Variants in PID1 observed in about 807,000 individuals in gnomAD.
PID1 encodes the protein PTB-containing, cubilin and LRP1-interacting protein.
A neutral mutation model predicts 19.1 loss-of-function variants in PID1; 10 were observed. That is an observed-to-expected ratio of 0.52 (90% CI 0.32 to 0.89). PID1 has a LOEUF of 0.89. Among genes scored for constraint, PID1 ranks in the 40% least tolerant of loss-of-function variants. The probability of loss-of-function intolerance (pLI) is 0.03; values close to 1 mark genes in which losing one functional copy is unlikely to be tolerated. For synonymous variants in PID1, 130 were observed against 116.0 expected, an observed-to-expected ratio of 1.12 and a Z score of -0.78; for missense variants, 248 against 285.3, an observed-to-expected ratio of 0.87 and a Z score of 0.94.
chr2:229,209,226 T>C (rs1691675129), intron 1 of PID1, among the ~76,000 whole-genome samples: 1 of 152,164 alleles, frequency 6.6e-6, no homozygotes, highest in Admixed American at 6.5e-5. Flanking sequence ...CAAATGTGGG[T>C]TGTGGGTCAA....
chr2:229,200,859 C>T (rs1442192440), intron 1 of PID1, among the ~76,000 whole-genome samples: 1 of 152,050 alleles, frequency 6.6e-6, no homozygotes, highest in Non-Finnish European at 1.5e-5. Flanking sequence ...AGGGGAATGC[C>T]TCACCTGTTC....
At chr2:229,050,139 A>C (rs1693964579) in intron 2 of PID1, among the ~76,000 whole-genome samples, 1 of 152,156 alleles carries the variant, frequency 6.6e-6, no homozygotes, top group Non-Finnish European at 1.5e-5. Context: ...TGCGAATCTC[A>C]ACAGAAGCAC....
At chr2:229,054,717 TGTGG>T (rs1382518507) in intron 2 of PID1, among the ~76,000 whole-genome samples, 6 of 8,750 alleles carry the variant, frequency 6.9e-4, no homozygotes, top group African/African-American at 1.8e-3. Flanking sequence ...TGTGTGTGTG[TGTGG>T]GGGGGGGGGG....
At chr2:229,042,366 C>A (rs1693789292) in intron 2 of PID1, among the ~76,000 whole-genome samples, 1 of 152,160 alleles carries the variant, frequency 6.6e-6, no homozygotes, top group African/African-American at 2.4e-5. Flanking sequence ...TTGGCTCCAT[C>A]TTAATTTAAG....
intron 2 of PID1, among the ~76,000 whole-genome samples, chr2:229,127,341 G>A (rs1057405721): frequency 4.6e-5 from 7 of 152,130 alleles, no homozygotes; most frequent in Non-Finnish European, 7.3e-5. Flanking sequence ...TGGCCACACT[G>A]AGAATTGACT....
chr2:229,045,561 G>A (rs950209864), intron 2 of PID1, among the ~76,000 whole-genome samples: 7 of 152,194 alleles, frequency 4.6e-5, no homozygotes, highest in African/African-American at 1.7e-4. Flanking sequence ...TATCACAGGT[G>A]GCAGTGATGT....
At chr2:229,053,373 C>T (rs550480020) in intron 2 of PID1, among the ~76,000 whole-genome samples, 12 of 152,204 alleles carry the variant, frequency 7.9e-5, no homozygotes, top group South Asian at 2.1e-4. Flanking sequence ...TTTGTTTATT[C>T]GAAAGCAAAC....
intron 2 of PID1, among the ~76,000 whole-genome samples, chr2:229,110,522 C>T (rs1175614007): frequency 3.9e-5 from 6 of 152,026 alleles, no homozygotes; most frequent in South Asian, 4.1e-4. Flanking sequence ...TTATGGGGGC[C>T]GAGATTGCAT....
chr2:229,157,264 T>C (rs1690392673), intron 1 of PID1, among the ~76,000 whole-genome samples: 1 of 152,138 alleles, frequency 6.6e-6, no homozygotes, highest in Non-Finnish European at 1.5e-5. Context: ...ACCCTGTCTC[T>C]ACTAAAAATA....
intron 1 of PID1, among the ~76,000 whole-genome samples, chr2:229,237,545 A>C (rs1440255765): frequency 1.3e-5 from 2 of 152,216 alleles, no homozygotes; most frequent in Non-Finnish European, 2.9e-5. Flanking sequence ...ATCTCTGCCA[A>C]GTGCAAAGCT....
At chr2:229,207,920 T>C (rs1031168857) in intron 1 of PID1, among the ~76,000 whole-genome samples, 3 of 152,136 alleles carry the variant, frequency 2.0e-5, no homozygotes, top group African/African-American at 4.8e-5. Context: ...TTGAGACCCC[T>C]ACACACAGGA....
intron 2 of PID1, among the ~76,000 whole-genome samples, chr2:229,113,007 C>T (rs1281775525): frequency 6.6e-6 from 1 of 152,066 alleles, no homozygotes; most frequent in Non-Finnish European, 1.5e-5. Flanking sequence ...AATTCAGTAA[C>T]GTATGCTAAT....
chr2:229,160,209 G>A (rs944769517), intron 1 of PID1, among the ~76,000 whole-genome samples: 2 of 152,154 alleles, frequency 1.3e-5, no homozygotes, highest in East Asian at 1.9e-4. Flanking sequence ...TGGAAGTTCC[G>A]AGATGGTCTT....
intron 1 of PID1, among the ~76,000 whole-genome samples, chr2:229,183,263 T>C (rs1237886032): frequency 6.6e-6 from 1 of 152,162 alleles, no homozygotes; most frequent in Non-Finnish European, 1.5e-5. Context: ...GGGAGAGGTA[T>C]GGAACAGATT....
intron 2 of PID1, among the ~76,000 whole-genome samples, chr2:229,134,294 G>C (rs1689812989): frequency 6.8e-6 from 1 of 146,300 alleles, no homozygotes; most frequent in South Asian, 2.2e-4. Flanking sequence ...GAGTGCAGTG[G>C]TGTGGTGTGA....
At chr2:229,033,376 C>A (rs1693595317) in intron 2 of PID1, among the ~76,000 whole-genome samples, 1 of 152,126 alleles carries the variant, frequency 6.6e-6, no homozygotes, top group Non-Finnish European at 1.5e-5. Flanking sequence ...AGAATAAAGA[C>A]CTTCTAGAGG....
intron 1 of PID1, among the ~76,000 whole-genome samples, chr2:229,270,431 A>C (rs1189730338): frequency 6.6e-6 from 1 of 152,222 alleles, no homozygotes; most frequent in East Asian, 1.9e-4. Context: ...GGGATAACCC[A>C]GGACATAAAT....
intron 1 of PID1, among the ~76,000 whole-genome samples, chr2:229,230,020 G>A (rs1692167940): frequency 6.6e-6 from 1 of 152,202 alleles, no homozygotes; most frequent in Admixed American, 6.5e-5. Flanking sequence ...CACAAGGCAT[G>A]CTGGGAGAGA....
At position 229,129,793 on chromosome 2, in the gene PID1, GGCTGACTGCATGA is replaced by G. The variant is rs533092985; in HGVS notation, c.177+26012_177+26024del. On this transcript the variant is annotated intron_variant, in intron 2 of 2. Transcript: ENST00000392055. ...CTCTTGCTCATGTACACTGGGCAGG[GGCTGACTGCATGA>G]GCTAACAAGGGAGGTGGCTCCTCCG... Among the ~76,000 whole-genome samples, 20 of 152,204 alleles carry G rather than the reference GGCTGACTGCATGA, an allele frequency of 1.3e-4. No individual in the cohort carries two copies. The East Asian group carries it at 3.9e-3, about 30-fold the overall frequency.
Sources: allele counts gnomAD v4.1 joint callset (sites outside exome capture counted in the v4.1 genomes callset), GRCh38; gene constraint gnomAD v4.1.1; transcripts MANE v1.5; gene names NCBI Gene and HGNC (gene_info 2026-07-23, HGNC 2026-07-21).